Variants in TRIM55 observed in about 807,000 individuals in gnomAD.
TRIM55 encodes the protein tripartite motif containing 55.
In TRIM55, 50 loss-of-function variants were observed where a neutral mutation model predicts 60.9. That is an observed-to-expected ratio of 0.82 (90% confidence interval 0.65 to 1.04). The LOEUF is 1.04. TRIM55 is among the 50% of genes least tolerant of loss of function. TRIM55 has a pLI of 0.00. For synonymous variants in TRIM55, 237 were observed against 238.1 expected, an observed-to-expected ratio of 1.00 and a Z score of 0.04; for missense variants, 681 against 666.9, an observed-to-expected ratio of 1.02 and a Z score of -0.23.
rs1158379694 is a variant in TRIM55 at position 66,135,067 on chromosome 8, A to G, written c.419A>G (p.Glu140Gly). ...ATCAACATCTACTGTCTGAACTGCG[A>G]AGTACCCACCTGCTCTCTGTGCAAG... is the stretch of plus-strand genomic sequence containing the variant. ...ERINIYCLNC[E>G]VPTCSLCKVF... Residue 140 changes from glutamate to glycine, a missense_variant, in exon 3 of 10, where the codon GAA becomes GGA. Physicochemically the swap from Glu to Gly is moderately conservative, Grantham distance 98 (BLOSUM62 -2). Transcript: ENST00000315962. 2 of 1,614,230 alleles carry G rather than the reference A, an allele frequency of 1.2e-6. No individual in the cohort carries two copies. Among genetic ancestry groups the G allele is most frequent in the Non-Finnish European group, 1.7e-6 (2 of 1,180,050 alleles).
chr8:66,170,557 T>C (rs1419151902), intron 9 of TRIM55, among the ~76,000 whole-genome samples: 1 of 152,196 alleles, frequency 6.6e-6, no homozygotes, highest in East Asian at 1.9e-4. Flanking sequence ...GAATAATGTT[T>C]CTGTGAACAT....
intron 4 of TRIM55, among the ~76,000 whole-genome samples, chr8:66,141,306 T>C (rs1192165037): frequency 1.3e-5 from 2 of 152,328 alleles, no homozygotes; most frequent in Middle Eastern, 3.4e-3. Context: ...GTGAATGAAC[T>C]GAGCCGTGAG....
At chr8:66,172,503 A>G (rs943068349) in intron 9 of TRIM55, among the ~76,000 whole-genome samples, 1 of 152,258 alleles carries the variant, frequency 6.6e-6, no homozygotes, top group Non-Finnish European at 1.5e-5. Context: ...TTTCCTGGAA[A>G]CATGGAAGTG....
chr8:66,119,593 T>C, the TRIM55 span, among the ~76,000 whole-genome samples: 1 of 152,212 alleles, frequency 6.6e-6, no homozygotes, highest in African/African-American at 2.4e-5. Flanking sequence ...CTCTGACCTA[T>C]TTTGACAGTT....
chr8:66,147,260 G>A (rs1259642423), intron 4 of TRIM55, among the ~76,000 whole-genome samples: 3 of 152,202 alleles, frequency 2.0e-5, no homozygotes, highest in Non-Finnish European at 4.4e-5. Context: ...GAATGAATGG[G>A]TGGATGACAG....
chr8:66,151,410 C>G (rs1810408942), intron 7 of TRIM55, among the ~76,000 whole-genome samples: 1 of 152,184 alleles, frequency 6.6e-6, no homozygotes, highest in African/African-American at 2.4e-5. Context: ...TGATCACACC[C>G]CTCAGCTAGA....
rs560755593 is a variant in TRIM55 at position 66,152,575 on chromosome 8, C to T, written c.1184C>T (p.Ser395Phe). Residue 395 changes from serine (S) to phenylalanine (F), a missense_variant, in exon 8 of 10, where the codon TCT (serine) becomes TTT (phenylalanine). Transcript: ENST00000315962. Reference protein sequence around the residue: ...QAAPGALPVSSPEPPPALPPA... With the variant: ...QAAPGALPVSFPEPPPALPPA... ...GCCCCTGGGGCACTTCCAGTTTCCT[C>T]TCCAGAGCCACCTCCAGCCCTGCCA... 5.6e-6 allele frequency: 9 copies of T among 1,614,172 alleles called. No homozygotes were observed. In the African/African-American group the frequency reaches 1.2e-4, roughly 22 times the overall value.
At chr8:66,162,893 C>G (rs1811128994) in intron 9 of TRIM55, among the ~76,000 whole-genome samples, 1 of 152,070 alleles carries the variant, frequency 6.6e-6, no homozygotes, top group Admixed American at 6.5e-5. Context: ...GGTCTAAGAT[C>G]ATTTTGTTAA....
intron 4 of TRIM55, among the ~76,000 whole-genome samples, chr8:66,140,868 G>A (rs1809770094): frequency 6.6e-6 from 1 of 152,148 alleles, no homozygotes; most frequent in Admixed American, 6.5e-5. Flanking sequence ...CTGGCCAGGG[G>A]GTGGAGAGCT....
intron 3 of TRIM55, 76 bp from the exon 4 acceptor site, chr8:66,137,019 C>G: frequency 1.6e-6 from 2 of 1,253,276 alleles, no homozygotes. Context: ...CCTGTAAAGA[C>G]AATATTATGA....
Position 66,174,026 on chromosome 8 carries a change from T to C in TRIM55, c.1525-445T>C, listed in dbSNP as rs1255016178. ...GAAACTTCTTCAGCAGTGGAGGGAT[T>C]ATATTAATATGTCCCACAATGTCAT... On this transcript the variant is annotated intron_variant, in intron 9 of 9. Transcript: ENST00000315962. Among the ~76,000 whole-genome samples, 8 of 152,182 alleles carry C rather than the reference T, an allele frequency of 5.3e-5. No individual in the cohort carries two copies. In the South Asian group the frequency reaches 1.7e-3, roughly 31 times the overall value.
At chr8:66,145,962 T>C (rs1810073893) in intron 4 of TRIM55, among the ~76,000 whole-genome samples, 1 of 152,170 alleles carries the variant, frequency 6.6e-6, no homozygotes, top group Non-Finnish European at 1.5e-5. Flanking sequence ...TAATAAATGG[T>C]CGGATGGCCT....
intron 9 of TRIM55, among the ~76,000 whole-genome samples, chr8:66,168,251 G>A (rs1268069724): frequency 6.6e-6 from 1 of 152,126 alleles, no homozygotes; most frequent in Non-Finnish European, 1.5e-5. Flanking sequence ...AGTTTCTAAG[G>A]CTTTGACCCT....
At chr8:66,113,968 C>G in the TRIM55 span, among the ~76,000 whole-genome samples, 1 of 151,916 alleles carries the variant, frequency 6.6e-6, no homozygotes, top group East Asian at 1.9e-4. Flanking sequence ...AAGGCGGCAC[C>G]CGGGAAGCTG....
chr8:66,159,046 T>C (rs537901457), intron 9 of TRIM55, among the ~76,000 whole-genome samples: 58 of 152,224 alleles, frequency 3.8e-4, no homozygotes, highest in Non-Finnish European at 6.8e-4. Context: ...TATTGAGATA[T>C]ACATACACTA....
chr8:66,151,250 T>C (rs1291177252), intron 7 of TRIM55, among the ~76,000 whole-genome samples: 2 of 152,226 alleles, frequency 1.3e-5, no homozygotes, highest in Non-Finnish European at 2.9e-5. Context: ...TGTGACTAGT[T>C]ATACTCCCTG....
chr8:66,164,479 G>T (rs1319128804), intron 9 of TRIM55, among the ~76,000 whole-genome samples: 3 of 152,336 alleles, frequency 2.0e-5, no homozygotes, highest in African/African-American at 7.2e-5. Context: ...CCACAAAACT[G>T]CAGAGGCCAC....
intron 4 of TRIM55, among the ~76,000 whole-genome samples, chr8:66,141,098 C>T (rs1384621465): frequency 6.6e-6 from 1 of 152,184 alleles, no homozygotes; most frequent in Non-Finnish European, 1.5e-5. Flanking sequence ...TGGGGAGGCA[C>T]CTGTCCCAAG....
intron 4 of TRIM55, among the ~76,000 whole-genome samples, chr8:66,145,582 C>G (rs1810054693): frequency 6.6e-6 from 1 of 151,992 alleles, no homozygotes; most frequent in African/African-American, 2.4e-5. Context: ...GTTGAAAGAA[C>G]TAGGAATATA....
Sources: gnomAD v4.1 joint callset for allele counts (sites outside exome capture counted in the v4.1 genomes callset) on GRCh38, gnomAD v4.1.1 for gene constraint, MANE v1.5 for transcripts, NCBI Gene and HGNC (gene_info 2026-07-23, HGNC 2026-07-21) for gene names.